The following NPAS2 variants were observed in gnomAD, a reference collection of about 807,000 sequenced individuals.
NPAS2 encodes neuronal PAS domain-containing protein 2.
NPAS2 carries 23 observed loss-of-function variants against 107.5 expected under a neutral mutation model. The ratio of observed to expected loss-of-function variants is 0.21; its 90% CI spans 0.15 to 0.30. The LOEUF (loss-of-function observed/expected upper bound fraction) is 0.30, where lower values mean the gene tolerates loss of function less well. Among genes scored for constraint, NPAS2 ranks in the 10% least tolerant of loss-of-function variants. The pLI, the probability that NPAS2 is intolerant of heterozygous loss-of-function variation, is 1.00. For synonymous variants in NPAS2, 403 were observed against 417.5 expected (o/e 0.97, Z 0.42); for missense variants, 756 against 1,043.3 (o/e 0.72, Z 3.79).
chr2:100,967,296 G>A (rs1676278240), intron 10 of NPAS2, among the ~76,000 whole-genome samples: 2 of 131,312 alleles, frequency 1.5e-5, no homozygotes, highest in Admixed American at 1.9e-4. Context: ...ACCCAGTCTC[G>A]GCTCGCTGCA....
Position 100,903,308 on chromosome 2 carries a change from C to A in NPAS2, c.-22-1425C>A, listed in dbSNP as rs557750908. On this transcript the variant is annotated intron_variant, in intron 1 of 20. Coordinates refer to ENST00000335681, the MANE Select transcript of NPAS2 (RefSeq NM_002518.4). ...GATTCCATCTGGAAAACATTAAGCA[C>A]AGGCCTGTTTGCAGATGTGTTAACG... 2.0e-5 allele frequency among the ~76,000 whole-genome samples: 3 copies of A among 152,342 alleles called. No individual in the cohort carries two copies. In the East Asian group the frequency reaches 5.8e-4, roughly 29 times the overall value.
intron 15 of NPAS2, among the ~76,000 whole-genome samples, chr2:100,981,291 G>A (rs1273432317): frequency 6.6e-6 from 1 of 152,106 alleles, no homozygotes; most frequent in Non-Finnish European, 1.5e-5. Flanking sequence ...GGGAGTGGAG[G>A]TTAAATCATG....
intron 2 of NPAS2, among the ~76,000 whole-genome samples, chr2:100,906,952 T>C (rs1682188011): frequency 6.6e-6 from 1 of 152,180 alleles, no homozygotes; most frequent in Non-Finnish European, 1.5e-5. Context: ...TTCTTTAATC[T>C]TAGACTCTAT....
chr2:100,927,156 A>G (rs1164329553), intron 3 of NPAS2, among the ~76,000 whole-genome samples: 1 of 151,900 alleles, frequency 6.6e-6, no homozygotes, highest in Non-Finnish European at 1.5e-5. Flanking sequence ...GGATAGTCTC[A>G]ATCTCCTGAC....
intron 1 of NPAS2, among the ~76,000 whole-genome samples, chr2:100,848,347 G>A (rs972711372): frequency 1.3e-5 from 2 of 152,154 alleles, no homozygotes; most frequent in African/African-American, 2.4e-5. Context: ...TATCATACTT[G>A]GGAGGTAATG....
At chr2:100,957,745 T>G (rs1675658881) in intron 7 of NPAS2, among the ~76,000 whole-genome samples, 1 of 152,108 alleles carries the variant, frequency 6.6e-6, no homozygotes, top group African/African-American at 2.4e-5. Flanking sequence ...GCTAACACAG[T>G]GAAACCCCGT....
At chr2:100,819,843 C>T (rs1675952316), upstream of NPAS2, among the ~76,000 whole-genome samples, 1 of 152,092 alleles carries the variant, frequency 6.6e-6, no homozygotes, top group Non-Finnish European at 1.5e-5. The surrounding 1 kb of genome is among the most constrained non-coding windows in gnomAD (Gnocchi z 5.8). Flanking sequence ...GCCCCAGGCC[C>T]GACCCCGCCG....
intron 1 of NPAS2, among the ~76,000 whole-genome samples, chr2:100,882,398 AG>A (rs1680411031): frequency 3.9e-5 from 6 of 152,220 alleles, no homozygotes; most frequent in Non-Finnish European, 7.3e-5. Flanking sequence ...TCACAAGGTC[AG>A]GAGTTCGAGA....
chr2:100,872,935 T>G (rs895461341), intron 1 of NPAS2, among the ~76,000 whole-genome samples: 1 of 152,122 alleles, frequency 6.6e-6, no homozygotes, highest in South Asian at 2.1e-4. Flanking sequence ...CTATTGTGAC[T>G]AACAGACTAA....
intron 1 of NPAS2, among the ~76,000 whole-genome samples, chr2:100,849,063 C>T (rs761599764): frequency 6.6e-6 from 1 of 152,236 alleles, no homozygotes; most frequent in Non-Finnish European, 1.5e-5. Context: ...ACGTGTAACC[C>T]AAGTTTATAG....
chr2:100,970,929 G>A, intron 11 of NPAS2, 61 bp from the exon 12 acceptor site: 1 of 1,454,068 alleles, frequency 6.9e-7, no homozygotes, highest in Non-Finnish European at 9.7e-7. Flanking sequence ...GTCTGTTCAG[G>A]TGGTGTCATC....
chr2:100,979,083 A>G (rs914588371), intron 15 of NPAS2, among the ~76,000 whole-genome samples: 15 of 152,174 alleles, frequency 9.9e-5, no homozygotes, highest in Non-Finnish European at 1.8e-4. Flanking sequence ...ATTTCGGAAC[A>G]TATGCCCTCT....
At chr2:100,832,790 T>G (rs1449917315) in intron 1 of NPAS2, among the ~76,000 whole-genome samples, 2 of 152,176 alleles carry the variant, frequency 1.3e-5, no homozygotes, top group African/African-American at 4.8e-5. Flanking sequence ...GGCTCCCAGT[T>G]TCTGGGAAGC....
intron 1 of NPAS2, among the ~76,000 whole-genome samples, chr2:100,859,701 T>C (rs1490542818): frequency 6.6e-6 from 1 of 152,058 alleles, no homozygotes; most frequent in Non-Finnish European, 1.5e-5. Flanking sequence ...GAGGTATAGG[T>C]GCAGATTACC....
At chr2:100,843,173 C>T (rs186792075) in intron 1 of NPAS2, among the ~76,000 whole-genome samples, 10 of 151,288 alleles carry the variant, frequency 6.6e-5, no homozygotes, top group South Asian at 2.1e-4. Flanking sequence ...GAGCTGAGAT[C>T]GCACCACTGC....
chr2:100,868,334 TG>T (rs1394460536), intron 1 of NPAS2, among the ~76,000 whole-genome samples: 1 of 152,244 alleles, frequency 6.6e-6, no homozygotes, highest in Non-Finnish European at 1.5e-5. Context: ...CTGGCTTCCA[TG>T]GTTGCTCTTG....
intron 1 of NPAS2, among the ~76,000 whole-genome samples, chr2:100,851,546 A>G (rs1678175921): frequency 6.6e-6 from 1 of 152,228 alleles, no homozygotes; most frequent in Non-Finnish European, 1.5e-5. Flanking sequence ...AAAAGTTGGA[A>G]GCCAAGACTC....
At chr2:100,988,963 TGCTCCTCCAGGC>T (rs1437178304) in intron 17 of NPAS2, 1 of 84,570 alleles carries the variant, frequency 1.2e-5, no homozygotes, top group African/African-American at 4.1e-5. Flanking sequence ...AGGCGCCCCC[TGCTCCTCCAGGC>T]CCCCCTGCTC....
intron 11 of NPAS2, among the ~76,000 whole-genome samples, chr2:100,970,060 C>T (rs780756988): frequency 1.3e-5 from 2 of 152,142 alleles, no homozygotes; most frequent in South Asian, 2.1e-4. Context: ...AGCAAATGAC[C>T]CTGATTCTAC....
Sources: allele counts gnomAD v4.1 joint callset (sites outside exome capture counted in the v4.1 genomes callset), GRCh38; gene constraint gnomAD v4.1.1; non-coding constraint Gnocchi (gnomAD v3.1); transcripts MANE v1.5; gene names NCBI Gene and HGNC (gene_info 2026-07-23, HGNC 2026-07-21).